Variants in LMNTD1 observed in about 807,000 individuals in gnomAD.
The protein encoded by LMNTD1 is lamin tail domain containing 1, also known as lamin tail domain-containing protein 1.
Under a neutral mutation model 50.9 loss-of-function variants are expected in LMNTD1, and 35 were observed. The ratio of observed to expected loss-of-function variants is 0.69; its 90% confidence interval spans 0.53 to 0.91. The LOEUF (loss-of-function observed/expected upper bound fraction) is 0.91. Ranked by LOEUF, LMNTD1 falls within the 40% of genes least tolerant of loss-of-function variation. The pLI is 0.00. For missense variants in LMNTD1, 470 were observed against 475.5 expected (o/e 0.99, Z 0.11); for synonymous variants, 153 against 161.9 (o/e 0.94, Z 0.42).
intron 7 of LMNTD1, 92 bp from the exon 8 acceptor site, chr12:25,519,059 A>C: frequency 8.4e-7 from 1 of 1,191,314 alleles, no homozygotes; most frequent in South Asian, 1.5e-5. Context: ...AGCATATTTC[A>C]AAACCAAGAG....
At chr12:25,562,421 C>G (rs1274267906) in intron 1 of LMNTD1, among the ~76,000 whole-genome samples, 1 of 152,210 alleles carries the variant, frequency 6.6e-6, no homozygotes, top group Non-Finnish European at 1.5e-5. Context: ...ATATGAAATT[C>G]TGGGTTGCAA....
intron 1 of LMNTD1, among the ~76,000 whole-genome samples, chr12:25,625,454 G>A (rs1199673832): frequency 1.3e-5 from 2 of 152,032 alleles, no homozygotes; most frequent in Non-Finnish European, 2.9e-5. Context: ...CAGCAAATGG[G>A]GACATCCCTT....
chr12:25,588,113 T>C (rs1185055429), intron 1 of LMNTD1, among the ~76,000 whole-genome samples: 1 of 152,076 alleles, frequency 6.6e-6, no homozygotes, highest in East Asian at 1.9e-4. Flanking sequence ...AGATAGTAAA[T>C]GTGAAGTGTG....
Position 25,562,275 on chromosome 12 carries a change from G to A in LMNTD1, c.59-15721C>T, listed in dbSNP as rs35917615. On this transcript the variant is annotated intron_variant, in intron 1 of 7. Transcript: ENST00000445693. The stretch of plus-strand genomic sequence containing the variant: ...CCATGTTTTTGCAGTGGCTTGTAAC[G>A]ATTGTTCCTTTCCATGTTTAGTGCT... 1.1e-3 allele frequency among the ~76,000 whole-genome samples: 166 copies of A among 152,224 alleles called. 2 individuals are homozygous for A. The highest frequency in any genetic ancestry group is 4.3e-3 in the Admixed American group (66 of 15,296).
At chr12:25,518,048 A>G (rs1739826007) in intron 8 of LMNTD1, among the ~76,000 whole-genome samples, 1 of 152,086 alleles carries the variant, frequency 6.6e-6, no homozygotes, top group South Asian at 2.1e-4. Flanking sequence ...CTCGCTTAAG[A>G]TTTCATTTTT....
rs1344987549 is a variant in LMNTD1, at chr12:25,527,652, A to AG, written c.492-698_492-697insC. Among the ~76,000 whole-genome samples the AG allele has an allele frequency of 2.8e-4, 13 of 46,420 alleles. No homozygotes were observed. In the East Asian group the frequency reaches 0.017, roughly 61 times the overall value. 30.5% of individuals were successfully genotyped at this position (46,420 alleles called of 152,430 possible). ...GCACTTAATAACACTATATATATAT[A>AG]TATATATATATATATATATATATAT... On this transcript the variant is annotated intron_variant, in intron 4 of 9. Transcript: ENST00000458174.
chr12:25,633,512 C>G (rs1692659913), intron 1 of LMNTD1, among the ~76,000 whole-genome samples: 1 of 152,136 alleles, frequency 6.6e-6, no homozygotes, highest in African/African-American at 2.4e-5. Flanking sequence ...TGGAAATCAA[C>G]TCTAAAAGGA....
chr12:25,522,808 T>A (rs1591897692), intron 6 of LMNTD1, among the ~76,000 whole-genome samples: 1 of 152,304 alleles, frequency 6.6e-6, no homozygotes, highest in East Asian at 1.9e-4. Flanking sequence ...ACTCATGGAA[T>A]CTTAGTGATT....
chr12:25,499,722 C>T (rs1939272761), intron 9 of LMNTD1: 1 of 149,508 alleles, frequency 6.7e-6, no homozygotes, highest in Admixed American at 6.7e-5. Flanking sequence ...AGGTAACATA[C>T]TTAAAGTGTG....
intron 4 of LMNTD1, among the ~76,000 whole-genome samples, chr12:25,538,337 C>T (rs540557942): frequency 8.1e-4 from 122 of 150,976 alleles, no homozygotes; most frequent in African/African-American, 2.8e-3. Context: ...GGTCGGGTTA[C>T]CCTCAAAGGG....
chr12:25,614,348 C>T (rs986640528), intron 1 of LMNTD1, among the ~76,000 whole-genome samples: 1 of 152,092 alleles, frequency 6.6e-6, no homozygotes, highest in Non-Finnish European at 1.5e-5. Context: ...AGACACATTC[C>T]CTTGATGAGC....
chr12:25,530,454 T>C lies in LMNTD1; in HGVS notation c.492-3499A>G, dbSNP rs1446643940. Among the ~76,000 whole-genome samples, 4 of 152,210 alleles carry C rather than the reference T, an allele frequency of 2.6e-5. No homozygotes were observed. In the South Asian group the frequency reaches 6.2e-4, roughly 24 times the overall value. On this transcript the variant is annotated intron_variant, in intron 4 of 9. Coordinates refer to ENST00000458174, the MANE Select transcript of LMNTD1 (RefSeq NM_001145728.2). Reference sequence around the variant, plus strand: ...TGCTTTGAACAGCTTTGTTTGTATGTATATATGTGTGTGAGAGTGTATTTC... The same window carrying C: ...TGCTTTGAACAGCTTTGTTTGTATGCATATATGTGTGTGAGAGTGTATTTC...
intron 1 of LMNTD1, among the ~76,000 whole-genome samples, chr12:25,610,117 G>A (rs575913609): frequency 6.6e-6 from 1 of 152,240 alleles, no homozygotes; most frequent in East Asian, 1.9e-4. Context: ...AGTGAGCAAG[G>A]CTCTGTGGGC....
At chr12:25,609,075 C>G (rs939306269) in intron 1 of LMNTD1, among the ~76,000 whole-genome samples, 1 of 152,142 alleles carries the variant, frequency 6.6e-6, no homozygotes, top group Non-Finnish European at 1.5e-5. Context: ...TTCATTTGAT[C>G]TTCAATCACT....
Position 25,526,113 on chromosome 12 carries a change from T to C in LMNTD1, c.784A>G (p.Lys262Glu), listed in dbSNP as rs1405783292. ...ASPDCITILC[K>E]PNGQAIAWYT... ...CAGAAACTAACTTGACCGTTCGGTT[T>C]GCACAGGATTGTTATACAATCAGGA... The change falls in exon 6 of 10, where the codon AAA becomes GAA. Residue 262 changes from lysine (K) to glutamate (E), a missense_variant. Physicochemically the swap from Lys to Glu is moderately conservative, Grantham distance 56 (BLOSUM62 1). Transcript: ENST00000458174. 1 of 1,586,842 alleles carries C rather than the reference T, an allele frequency of 6.3e-7. No individual in the cohort carries two copies. The highest frequency in any genetic ancestry group is 2.3e-5 in the East Asian group (1 of 43,768).
chr12:25,519,143 T>C (rs187496962), intron 7 of LMNTD1, among the ~76,000 whole-genome samples, 176 bp from the exon 8 acceptor site: 64 of 152,290 alleles, frequency 4.2e-4, no homozygotes, highest in African/African-American at 1.5e-3. Context: ...ATGAATAATA[T>C]ATTCTGCACC....
At chr12:25,503,980 G>C (rs1939548459) in intron 8 of LMNTD1, among the ~76,000 whole-genome samples, 180 bp from the exon 9 acceptor site, 1 of 152,074 alleles carries the variant, frequency 6.6e-6, no homozygotes, top group Non-Finnish European at 1.5e-5. Flanking sequence ...TAGTATTTAG[G>C]GGAGACTTGA....
rs16929005 is a variant in LMNTD1 at position 25,548,244 on chromosome 12, A to T, written c.310+1082T>A. On this transcript the variant is annotated intron_variant, in intron 3 of 9. Transcript: ENST00000458174. Reference sequence around the variant, plus strand: ...TATAACCCATGTCAAAGATTTTTTTAAAATATCAGAAACAAAATGAAATAT... The same window carrying T: ...TATAACCCATGTCAAAGATTTTTTTTAAATATCAGAAACAAAATGAAATAT... Among the ~76,000 whole-genome samples the T allele has an allele frequency of 9.9e-3, 1,510 of 151,926 alleles. 22 individuals are homozygous for T. Among genetic ancestry groups the T allele is most frequent in the African/African-American group, 0.034 (1,422 of 41,512 alleles).
intron 1 of LMNTD1, among the ~76,000 whole-genome samples, chr12:25,587,154 C>T (rs1034835213): frequency 6.6e-6 from 1 of 152,202 alleles, no homozygotes; most frequent in Non-Finnish European, 1.5e-5. Flanking sequence ...GAATTTATCT[C>T]TCCTCTATGT....
Sources: allele counts gnomAD v4.1 joint callset (sites outside exome capture counted in the v4.1 genomes callset), GRCh38; gene constraint gnomAD v4.1.1; transcripts MANE v1.5; gene names NCBI Gene and HGNC (gene_info 2026-07-23, HGNC 2026-07-21).